Variants in TNIK observed in about 807,000 individuals in gnomAD.
The protein encoded by TNIK is TRAF2 and NCK interacting kinase, also known as TRAF2 and NCK-interacting protein kinase.
A neutral mutation model predicts 191.3 loss-of-function variants in TNIK; 49 were observed. The ratio of observed to expected loss-of-function variants is 0.26; its 90% CI spans 0.20 to 0.32. TNIK has a LOEUF of 0.32. Ranked by LOEUF, TNIK falls within the 10% of genes least tolerant of loss-of-function variation. The probability of loss-of-function intolerance (pLI) is 1.00; values close to 1 mark genes in which losing one functional copy is unlikely to be tolerated. For synonymous variants in TNIK, 594 were observed against 600.9 expected, an observed-to-expected ratio of 0.99 and a Z score of 0.17; for missense variants, 1,155 against 1,702.3, an observed-to-expected ratio of 0.68 and a Z score of 5.66.
chr3:171,222,081 A>C lies in TNIK; in HGVS notation c.180+6084T>G, dbSNP rs147702983. Among the ~76,000 whole-genome samples the C allele has an allele frequency of 4.2e-3, 633 of 152,306 alleles. 8 individuals are homozygous for C. Among genetic ancestry groups the C allele is most frequent in the African/African-American group, 0.014 (600 of 41,554 alleles). Reference sequence around the variant, plus strand: ...AACAAGCTTGCAACATTAACCAATAAGAAAACTGTGGCTCAGAAAAGTTAA... The same window carrying C: ...AACAAGCTTGCAACATTAACCAATACGAAAACTGTGGCTCAGAAAAGTTAA... On this transcript the variant is annotated intron_variant, in intron 3 of 32. Transcript: ENST00000436636.
At chr3:171,115,197 G>C (rs1451505179) in intron 18 of TNIK, among the ~76,000 whole-genome samples, 1 of 152,230 alleles carries the variant, frequency 6.6e-6, no homozygotes, top group East Asian at 1.9e-4. Flanking sequence ...TGAGAGGAGG[G>C]TAGCTGGTGA....
intron 2 of TNIK, among the ~76,000 whole-genome samples, chr3:171,240,178 G>A (rs988097000): frequency 6.6e-6 from 1 of 152,126 alleles, no homozygotes; most frequent in Non-Finnish European, 1.5e-5. Flanking sequence ...AGTTTAGGTC[G>A]ACTCATCAGG....
intron 3 of TNIK, among the ~76,000 whole-genome samples, chr3:171,224,145 G>C (rs1742699191): frequency 6.6e-6 from 1 of 152,132 alleles, no homozygotes; most frequent in African/African-American, 2.4e-5. Flanking sequence ...CTGCTGGGAC[G>C]AAAGCAGAGC....
intron 4 of TNIK, among the ~76,000 whole-genome samples, chr3:171,208,137 C>A (rs934489035): frequency 9.2e-5 from 14 of 152,174 alleles, no homozygotes; most frequent in Admixed American, 7.2e-4. Flanking sequence ...TTGAGACCAG[C>A]CTAGGCAAGA....
chr3:171,410,545 G>C (rs902810325), intron 1 of TNIK, among the ~76,000 whole-genome samples: 12 of 152,002 alleles, frequency 7.9e-5, no homozygotes, highest in Non-Finnish European at 1.3e-4. Flanking sequence ...TTTGGGAGGC[G>C]GAGGCGGGCG....
At chr3:171,129,853 C>T (rs755886841) in intron 15 of TNIK, among the ~76,000 whole-genome samples, 1 of 152,242 alleles carries the variant, frequency 6.6e-6, no homozygotes, top group Non-Finnish European at 1.5e-5. Context: ...AAGGTGCGCA[C>T]TCTAAGATAT....
intron 1 of TNIK, among the ~76,000 whole-genome samples, chr3:171,431,690 C>T (rs1229407605): frequency 2.0e-5 from 3 of 152,096 alleles, no homozygotes; most frequent in African/African-American, 4.8e-5. Flanking sequence ...ATCCACACAA[C>T]AACCCTATGA....
intron 2 of TNIK, among the ~76,000 whole-genome samples, chr3:171,356,736 C>T (rs927958266): frequency 6.6e-6 from 1 of 152,138 alleles, no homozygotes; most frequent in East Asian, 1.9e-4. Context: ...TACCTGGGGG[C>T]TTCAAGGGAA....
chr3:171,134,915 A>G (rs1225678767), intron 15 of TNIK, among the ~76,000 whole-genome samples: 1 of 152,208 alleles, frequency 6.6e-6, no homozygotes, highest in Non-Finnish European at 1.5e-5. Flanking sequence ...GAAGAAGAAA[A>G]AAAAACTTGA....
chr3:171,325,585 T>C (rs188320364), intron 2 of TNIK, among the ~76,000 whole-genome samples: 9 of 152,294 alleles, frequency 5.9e-5, no homozygotes, highest in Non-Finnish European at 1.0e-4. Context: ...TTACATACTT[T>C]TAGTTATGGA....
At position 171,431,002 on chromosome 3, in the gene TNIK, A is replaced by G. The variant is rs115850703; in HGVS notation, c.57+29005T>C. Reference sequence around the variant, plus strand: ...ACCAAGCTGAACCAGATTTAACATTATGCTTTGAAGAAACCCAGTAATAAT... The same window carrying G: ...ACCAAGCTGAACCAGATTTAACATTGTGCTTTGAAGAAACCCAGTAATAAT... On this transcript the variant is annotated intron_variant, in intron 1 of 32. Coordinates refer to ENST00000436636, the MANE Select transcript of TNIK (RefSeq NM_015028.4). Among the ~76,000 whole-genome samples, 656 of 152,304 alleles carry G rather than the reference A, an allele frequency of 4.3e-3. 5 individuals are homozygous for G. The highest frequency in any genetic ancestry group is 0.015 in the African/African-American group (611 of 41,562).
At position 171,080,539 on chromosome 3, in the gene TNIK, C is replaced by T. The variant is rs191004507; in HGVS notation, c.3314-887G>A. ...GCAACCTCTGCTTCCTGGGTTCAAG[C>T]GATTCTCCTGCCTCAGCCTCCCAAG... On this transcript the variant is annotated intron_variant, in intron 27 of 32. Transcript: ENST00000436636. Among the ~76,000 whole-genome samples the T allele has an allele frequency of 7.6e-3, 1,152 of 151,950 alleles. 17 individuals are homozygous for T. Among genetic ancestry groups the T allele is most frequent in the African/African-American group, 0.025 (1,047 of 41,402 alleles).
In TNIK at chr3:171,459,690, A is replaced by ACACACACACACACG. The variant is rs1162931340; in HGVS notation, c.57+303_57+316dup. On this transcript the variant is annotated intron_variant, in intron 1 of 32. Transcript: ENST00000436636. Reference sequence around the variant, plus strand: ...CCGGGGCGTGTACACACACACACACACACACACACACACGCACACACGCCT... The same window carrying ACACACACACACACG: ...CCGGGGCGTGTACACACACACACACACACACACACACACGCACACACACACACGCACACACGCCT... Among the ~76,000 whole-genome samples the ACACACACACACACG allele has an allele frequency of 6.4e-3, 978 of 151,768 alleles. 4 individuals are homozygous for ACACACACACACACG. Among genetic ancestry groups the ACACACACACACACG allele is most frequent in the South Asian group, 0.011 (54 of 4,804 alleles).
chr3:171,418,755 A>G (rs1183117904), intron 1 of TNIK, among the ~76,000 whole-genome samples: 1 of 152,222 alleles, frequency 6.6e-6, no homozygotes, highest in Non-Finnish European at 1.5e-5. Flanking sequence ...TGGTATATCC[A>G]TACAATGGTA....
intron 1 of TNIK, among the ~76,000 whole-genome samples, chr3:171,447,880 A>C (rs1427384323): frequency 2.0e-5 from 3 of 152,220 alleles, no homozygotes; most frequent in African/African-American, 7.2e-5. Context: ...ATTATGATCC[A>C]TCTCCACAAC....
intron 2 of TNIK, among the ~76,000 whole-genome samples, chr3:171,329,840 ATTCTT>A (rs1456738509): frequency 1.3e-5 from 2 of 152,198 alleles, no homozygotes; most frequent in African/African-American, 4.8e-5. Flanking sequence ...TTAAAAGCAT[ATTCTT>A]TTCTTTTCTT....
At chr3:171,075,032 A>G (rs1719714454) in intron 28 of TNIK, among the ~76,000 whole-genome samples, 1 of 152,242 alleles carries the variant, frequency 6.6e-6, no homozygotes, top group South Asian at 2.1e-4. Flanking sequence ...AAGGGCCAAC[A>G]GTAGATGTGC....
intron 30 of TNIK, among the ~76,000 whole-genome samples, chr3:171,067,497 C>T (rs1032247144): frequency 1.3e-5 from 2 of 151,786 alleles, no homozygotes; most frequent in Non-Finnish European, 2.9e-5. Flanking sequence ...GATGAAACCC[C>T]GTCTCTACTA....
chr3:171,300,618 T>C (rs1752781148), intron 2 of TNIK, among the ~76,000 whole-genome samples: 1 of 152,204 alleles, frequency 6.6e-6, no homozygotes, highest in Admixed American at 6.5e-5. Context: ...ACAGTGCATA[T>C]TGATGAAATA....
Sources: gnomAD v4.1 joint callset for allele counts (sites outside exome capture counted in the v4.1 genomes callset) on GRCh38, gnomAD v4.1.1 for gene constraint, MANE v1.5 for transcripts, NCBI Gene and HGNC (gene_info 2026-07-23, HGNC 2026-07-21) for gene names.